Variants in NRXN3 observed in about 807,000 individuals in gnomAD.
NRXN3 encodes the protein neurexin III.
NRXN3 carries 32 observed loss-of-function variants against 137.6 expected under a neutral mutation model. That is an observed-to-expected ratio of 0.23 (90% confidence interval 0.18 to 0.31). NRXN3 has a LOEUF of 0.31. Among genes scored for constraint, NRXN3 ranks in the 10% least tolerant of loss-of-function variants. NRXN3 has a pLI of 1.00. For missense variants in NRXN3, 1,574 were observed against 2,062.5 expected (o/e 0.76, Z 4.59); for synonymous variants, 798 against 784.5 (o/e 1.02, Z -0.29).
At chr14:78,349,483 T>A (rs1597617349) in intron 4 of NRXN3, among the ~76,000 whole-genome samples, 2 of 152,334 alleles carry the variant, frequency 1.3e-5, no homozygotes, top group Admixed American at 1.3e-4. Context: ...AGTCCCCATT[T>A]ATCTTCTTCC....
intron 15 of NRXN3, among the ~76,000 whole-genome samples, chr14:79,404,355 C>A (rs577492180): frequency 1.3e-5 from 2 of 152,154 alleles, no homozygotes; most frequent in South Asian, 4.1e-4. Context: ...TCCAGCTATA[C>A]CAAAGACTCT....
intron 10 of NRXN3, among the ~76,000 whole-genome samples, chr14:78,860,714 G>T (rs914521450): frequency 6.6e-6 from 1 of 152,030 alleles, no homozygotes; most frequent in Non-Finnish European, 1.5e-5. Context: ...TATTAAGAAA[G>T]AGAAAATATA....
chr14:79,789,790 T>G (rs1224462983), intron 19 of NRXN3, among the ~76,000 whole-genome samples: 4 of 152,202 alleles, frequency 2.6e-5, no homozygotes, highest in African/African-American at 9.6e-5. Context: ...CTTTATGACC[T>G]GCATCTTGTG....
At chr14:79,527,920 G>C (rs1567393739) in intron 16 of NRXN3, among the ~76,000 whole-genome samples, 1 of 151,194 alleles carries the variant, frequency 6.6e-6, no homozygotes, top group Admixed American at 6.6e-5. Context: ...AGTAGTAGCA[G>C]GAGTAGTAGT....
chr14:79,005,187 T>C (rs1000945352), intron 15 of NRXN3, among the ~76,000 whole-genome samples: 2 of 152,194 alleles, frequency 1.3e-5, no homozygotes, highest in African/African-American at 4.8e-5. Flanking sequence ...AGAATACAAA[T>C]GGTATTCCCA....
chr14:78,309,191 G>T (rs1487284268), intron 4 of NRXN3, among the ~76,000 whole-genome samples: 1 of 152,052 alleles, frequency 6.6e-6, no homozygotes, highest in Non-Finnish European at 1.5e-5. Flanking sequence ...AGAAATCTGG[G>T]TGAATTTGAG....
intron 14 of NRXN3, among the ~76,000 whole-genome samples, chr14:78,982,336 G>A (rs1335800562): frequency 6.6e-6 from 1 of 152,004 alleles, no homozygotes; most frequent in African/African-American, 2.4e-5. Context: ...TCAGAAATTA[G>A]AGATGTAAAG....
At chr14:79,665,291 G>T (rs574995453) in intron 17 of NRXN3, among the ~76,000 whole-genome samples, 1 of 152,124 alleles carries the variant, frequency 6.6e-6, no homozygotes, top group East Asian at 1.9e-4. Flanking sequence ...TTGCCATCTC[G>T]GTTTCCATAA....
rs184996542 is a variant in NRXN3 at position 79,742,685 on chromosome 14, T to C, written c.4014+44748T>C. ...GGCCCACTGTATGACATTTGATTTA[T>C]GTAGTCTCACCTCTCCCTAAATAGC... is the stretch of plus-strand genomic sequence containing the variant. On this transcript the variant is annotated intron_variant, in intron 19 of 20. Transcript: ENST00000335750. Among the ~76,000 whole-genome samples, 79 of 152,314 alleles carry C rather than the reference T, an allele frequency of 5.2e-4. No homozygotes were observed. The Middle Eastern group carries it at 0.014, about 26-fold the overall frequency.
intron 4 of NRXN3, among the ~76,000 whole-genome samples, chr14:78,526,558 C>T (rs530340076): frequency 6.6e-6 from 1 of 152,342 alleles, no homozygotes; most frequent in African/African-American, 2.4e-5. Context: ...TACTTTCTTT[C>T]ATTCAAATGG....
chr14:78,730,816 A>T (rs2098511635), intron 8 of NRXN3, among the ~76,000 whole-genome samples: 1 of 152,176 alleles, frequency 6.6e-6, no homozygotes, highest in African/African-American at 2.4e-5. Context: ...TCAATCTCTA[A>T]TTGGGGAAAT....
At chr14:79,405,515 T>C (rs2095292894) in intron 15 of NRXN3, among the ~76,000 whole-genome samples, 1 of 152,128 alleles carries the variant, frequency 6.6e-6, no homozygotes, top group East Asian at 1.9e-4. Context: ...TTGATCCTTC[T>C]ATTTGTAAAT....
At chr14:79,470,117 G>C (rs1277693049) in intron 16 of NRXN3, among the ~76,000 whole-genome samples, 1 of 152,152 alleles carries the variant, frequency 6.6e-6, no homozygotes, top group Non-Finnish European at 1.5e-5. Context: ...GGCCATTAAT[G>C]AAAGTGGAAG....
chr14:79,123,000 G>A (rs1316378449), intron 15 of NRXN3, among the ~76,000 whole-genome samples: 1 of 152,104 alleles, frequency 6.6e-6, no homozygotes, highest in Admixed American at 6.5e-5. Flanking sequence ...ATAATCTTTA[G>A]TGATTAACTT....
chr14:78,230,073 A>G (rs987888224), intron 1 of NRXN3, among the ~76,000 whole-genome samples: 2 of 152,076 alleles, frequency 1.3e-5, no homozygotes, highest in African/African-American at 2.4e-5. Context: ...CACCCAGGCT[A>G]GAGTGCAGTG....
At chr14:79,320,048 G>T (rs1426023104) in intron 15 of NRXN3, among the ~76,000 whole-genome samples, 2 of 151,966 alleles carry the variant, frequency 1.3e-5, no homozygotes, top group Non-Finnish European at 2.9e-5. Context: ...TAAAATTACA[G>T]CCATACTGAC....
At chr14:78,284,102 G>A (rs562623294) in intron 3 of NRXN3, among the ~76,000 whole-genome samples, 1 of 152,244 alleles carries the variant, frequency 6.6e-6, no homozygotes, top group Non-Finnish European at 1.5e-5. Context: ...GTATAAATGT[G>A]AAAGGAAAAT....
At chr14:78,428,180 T>A (rs1342018960) in intron 4 of NRXN3, among the ~76,000 whole-genome samples, 2 of 152,220 alleles carry the variant, frequency 1.3e-5, no homozygotes, top group African/African-American at 4.8e-5. Context: ...TAATAAGTAT[T>A]GCTGTTATTG....
At chr14:78,583,194 C>G (rs2097021836) in intron 4 of NRXN3, among the ~76,000 whole-genome samples, 1 of 152,038 alleles carries the variant, frequency 6.6e-6, no homozygotes, top group Non-Finnish European at 1.5e-5. Flanking sequence ...AGCCATGGTG[C>G]TCTTGGAAAA....
Sources: gnomAD v4.1 joint callset for allele counts (sites outside exome capture counted in the v4.1 genomes callset) on GRCh38, gnomAD v4.1.1 for gene constraint, MANE v1.5 for transcripts, NCBI Gene and HGNC (gene_info 2026-07-23, HGNC 2026-07-21) for gene names.